The following TCEA3 variants were observed in gnomAD, a reference collection of about 807,000 sequenced individuals.
TCEA3 encodes the protein transcription elongation factor A3, also known as transcription elongation factor A protein 3.
In TCEA3, 36 loss-of-function variants were observed where a neutral mutation model predicts 44.0. That is an observed-to-expected ratio of 0.82 (90% CI 0.63 to 1.08). The LOEUF (loss-of-function observed/expected upper bound fraction) is 1.08, where lower values mean the gene tolerates loss of function less well. TCEA3 is among the 50% of genes least tolerant of loss of function. The pLI is 0.00. For missense variants in TCEA3, 392 were observed against 441.2 expected (o/e 0.89, Z 1.00); for synonymous variants, 162 against 159.7 (o/e 1.01, Z -0.11).
intron 4 of TCEA3, among the ~76,000 whole-genome samples, chr1:23,413,945 C>T (rs112353470): frequency 7.2e-6 from 1 of 139,246 alleles, no homozygotes; most frequent in Non-Finnish European, 1.5e-5. Flanking sequence ...TATTTTATAC[C>T]TATTTATAGG....
chr1:23,418,668 C>A (rs1639966793), intron 2 of TCEA3, among the ~76,000 whole-genome samples: 1 of 152,090 alleles, frequency 6.6e-6, no homozygotes, highest in Non-Finnish European at 1.5e-5. Context: ...GGCTATGAGA[C>A]CTTGCATCTG....
intron 4 of TCEA3, among the ~76,000 whole-genome samples, chr1:23,412,500 C>T (rs1019784362): frequency 1.3e-4 from 20 of 151,120 alleles, no homozygotes; most frequent in African/African-American, 3.6e-4. Context: ...GTCAGGAGTT[C>T]GAGACCAGCC....
rs1174513048 is a variant in TCEA3, at chr1:23,424,568, G to C, written c.66C>G (p.Asn22Lys). 2 of 1,607,634 alleles carry C rather than the reference G, an allele frequency of 1.2e-6. No individual in the cohort carries two copies. The highest frequency in any genetic ancestry group is 3.3e-5 in the Admixed American group (2 of 59,930). Residue 22 changes from asparagine to lysine, a missense_variant, in exon 1 of 11, where the codon AAC becomes AAG. Asn to Lys is a moderately conservative substitution (Grantham distance 94). Coordinates refer to ENST00000450454, the MANE Select transcript of TCEA3 (RefSeq NM_003196.3). ...GGCCCAAACTCTGCAGCCTCACCGT[G>C]TTCTTCCTGGCCACCATCTTCTCCA... is the stretch of plus-strand genomic sequence containing the variant. ...KKLEKMVARK[N>K]TEGALDLLKK...
rs759826041 is a variant in TCEA3 at position 23,418,023 on chromosome 1, G to C, written c.133-14C>G. 6.2e-7 allele frequency: 1 copy of C among 1,613,020 alleles called. No individual in the cohort carries two copies. Among genetic ancestry groups the C allele is most frequent in the African/African-American group, 1.3e-5 (1 of 74,910 alleles). ...AATCCTGGTTGTCTGCAAAGTGAGA[G>C]GGTTAAGGCATAATCTGGGAATGGA... On this transcript the variant is annotated splice_polypyrimidine_tract_variant and intron_variant, in intron 2 of 10. Coordinates refer to ENST00000450454, the MANE Select transcript of TCEA3 (RefSeq NM_003196.3).
chr1:23,406,372 C>T (rs958245468), intron 5 of TCEA3, among the ~76,000 whole-genome samples: 2 of 152,192 alleles, frequency 1.3e-5, no homozygotes, highest in Non-Finnish European at 1.5e-5. Context: ...CTCCCAGAGG[C>T]CAACACCCTT....
intron 8 of TCEA3, 135 bp downstream of exon 8, chr1:23,393,744 G>C: frequency 8.5e-7 from 1 of 1,171,656 alleles, no homozygotes; most frequent in Non-Finnish European, 1.2e-6. Context: ...GAGCCCAGGG[G>C]GGAGGCTGAG....
chr1:23,394,473 A>G (rs1639158866), intron 7 of TCEA3, among the ~76,000 whole-genome samples: 1 of 152,174 alleles, frequency 6.6e-6, no homozygotes, highest in Admixed American at 6.6e-5. Context: ...GATGACAAGG[A>G]TGCGGATAAC....
chr1:23,398,615 G>C (rs1024172323), intron 5 of TCEA3, among the ~76,000 whole-genome samples: 2 of 152,130 alleles, frequency 1.3e-5, no homozygotes, highest in African/African-American at 4.8e-5. Flanking sequence ...CTTCATAGCA[G>C]TCCCAGGAGG....
At chr1:23,391,693 C>T (rs1192359395) in intron 8 of TCEA3, among the ~76,000 whole-genome samples, 1 of 152,122 alleles carries the variant, frequency 6.6e-6, no homozygotes, top group African/African-American at 2.4e-5. Flanking sequence ...GAGGCTGAGG[C>T]AGGTGGATTA....
At chr1:23,394,502 C>T (rs1639159766) in intron 7 of TCEA3, among the ~76,000 whole-genome samples, 1 of 152,126 alleles carries the variant, frequency 6.6e-6, no homozygotes, top group Non-Finnish European at 1.5e-5. Context: ...TGGAAGGGCC[C>T]CTGGAGGTTG....
intron 10 of TCEA3, chr1:23,383,753 G>C (rs1411938739): frequency 1.0e-6 from 1 of 985,548 alleles, no homozygotes; most frequent in African/African-American, 1.7e-5. Context: ...CAGGAGACTT[G>C]GCAGGAAGGA....
At chr1:23,396,722 G>GC (rs1558037933) in intron 7 of TCEA3, among the ~76,000 whole-genome samples, 1 of 152,068 alleles carries the variant, frequency 6.6e-6, no homozygotes, top group African/African-American at 2.4e-5. Flanking sequence ...AGGGCAGGGC[G>GC]CTGGGTGTGA....
chr1:23,398,741 A>ACATCTATG (rs1290836724), intron 5 of TCEA3, among the ~76,000 whole-genome samples: 1 of 152,016 alleles, frequency 6.6e-6, no homozygotes, highest in African/African-American at 2.4e-5. Context: ...TCTAATTCCA[A>ACATCTATG]CATCTATGCT....
intron 4 of TCEA3, among the ~76,000 whole-genome samples, chr1:23,409,189 G>T (rs961616381): frequency 1.3e-5 from 2 of 152,090 alleles, no homozygotes; most frequent in African/African-American, 4.8e-5. Flanking sequence ...CATGGGCCTT[G>T]GGGATAGAAG....
intron 1 of TCEA3, 55 bp downstream of exon 1, chr1:23,424,510 G>C: frequency 6.5e-7 from 1 of 1,526,808 alleles, no homozygotes; most frequent in South Asian, 1.1e-5. Flanking sequence ...CGGAATCCGG[G>C]GCTTGCCCGC....
intron 4 of TCEA3, among the ~76,000 whole-genome samples, chr1:23,409,626 C>A (rs944175542): frequency 6.6e-6 from 1 of 152,010 alleles, no homozygotes; most frequent in African/African-American, 2.4e-5. Context: ...CGGCTCACTG[C>A]GACCTCCACC....
At chr1:23,389,645 G>T (rs746412186) in intron 8 of TCEA3, among the ~76,000 whole-genome samples, 19 of 152,052 alleles carry the variant, frequency 1.2e-4, no homozygotes, top group Non-Finnish European at 2.4e-4. Flanking sequence ...GTGAGACTCC[G>T]TCTCAAAAAA....
intron 5 of TCEA3, among the ~76,000 whole-genome samples, chr1:23,402,319 G>C (rs542663017): frequency 3.3e-5 from 5 of 152,284 alleles, no homozygotes; most frequent in South Asian, 2.1e-4. Flanking sequence ...CAGCCTGAGT[G>C]ACCGAGTGAG....
Position 23,424,703 on chromosome 1 carries a change from G to A in TCEA3, c.-70C>T, listed in dbSNP as rs1570307504. On this transcript the variant is annotated 5_prime_UTR_variant, in exon 1 of 11. Transcript: ENST00000450454. The stretch of plus-strand genomic sequence containing the variant: ...GTAGGGCCTCGGGGGCAGGAGGCGC[G>A]AAGGCGGAGGGCGCGCAACCCGCGC... 3 of 1,265,474 alleles carry A rather than the reference G, an allele frequency of 2.4e-6. No homozygotes were observed. Among genetic ancestry groups the A allele is most frequent in the Non-Finnish European group, 3.3e-6 (3 of 897,908 alleles). The allele number at this position is 1,265,474 out of a possible 1,614,324, so 78.4% of individuals were successfully genotyped here.
Sources: gnomAD v4.1 joint callset for allele counts (sites outside exome capture counted in the v4.1 genomes callset) on GRCh38, gnomAD v4.1.1 for gene constraint, MANE v1.5 for transcripts, NCBI Gene and HGNC (gene_info 2026-07-23, HGNC 2026-07-21) for gene names.